SYTL3: variants seen among roughly 807,000 people sequenced by gnomAD.
The protein encoded by SYTL3 is synaptotagmin-like protein 3.
SYTL3 carries 88 observed loss-of-function variants against 82.1 expected under a neutral mutation model. The ratio of observed to expected loss-of-function variants is 1.07; its 90% CI spans 0.90 to 1.28. SYTL3 has a LOEUF of 1.28. Among genes scored for constraint, SYTL3 ranks in the 50% most tolerant of loss-of-function variants. The pLI is 0.00. For synonymous variants in SYTL3, 311 were observed against 289.4 expected (o/e 1.07, Z -0.76); for missense variants, 831 against 757.6 (o/e 1.10, Z -1.14).
At position 158,706,115 on chromosome 6, in the gene SYTL3, A is replaced by T. The variant is rs371308973; in HGVS notation, c.395-1115A>T. ...TTCTGTCTTAGGGAAGTATTTCTTA[A>T]TGGGGAGGGGAAGGGTCACAGGTGC... is the stretch of plus-strand genomic sequence containing the variant. On this transcript the variant is annotated intron_variant, in intron 6 of 17. Coordinates refer to ENST00000611299, the MANE Select transcript of SYTL3 (RefSeq NM_001242394.2). Among the ~76,000 whole-genome samples, 59 of 152,228 alleles carry T rather than the reference A, an allele frequency of 3.9e-4. 1 individual carries two copies. Among genetic ancestry groups the T allele is most frequent in the African/African-American group, 1.4e-3 (57 of 41,526 alleles).
intron 10 of SYTL3, among the ~76,000 whole-genome samples, chr6:158,718,545 G>A (rs149739271): frequency 0.01 from 1,585 of 152,308 alleles, 25 homozygotes; most frequent in Non-Finnish European, 0.011. Flanking sequence ...CACACCTGCC[G>A]GGTTAGCCCT....
intron 14 of SYTL3, among the ~76,000 whole-genome samples, chr6:158,760,172 G>A (rs890764436): frequency 9.2e-5 from 14 of 152,004 alleles, no homozygotes; most frequent in Admixed American, 3.9e-4. Flanking sequence ...CACCCTGAGG[G>A]GCCACCCCCT....
intron 6 of SYTL3, among the ~76,000 whole-genome samples, chr6:158,696,822 G>A (rs544707340): frequency 1.8e-4 from 27 of 151,918 alleles, no homozygotes; most frequent in Middle Eastern, 3.4e-3. Context: ...ATATAAAGAC[G>A]GACATATAGA....
At chr6:158,733,184 A>C (rs1785640758) in intron 11 of SYTL3, among the ~76,000 whole-genome samples, 1 of 152,178 alleles carries the variant, frequency 6.6e-6, no homozygotes, top group Admixed American at 6.5e-5. Context: ...TTGTACTTGA[A>C]TGAAGATATT....
intron 11 of SYTL3, among the ~76,000 whole-genome samples, chr6:158,742,635 G>A (rs1787086234): frequency 6.6e-6 from 1 of 151,694 alleles, no homozygotes; most frequent in Admixed American, 6.6e-5. Context: ...GAGTGCAGTG[G>A]TGTGATCTTG....
chr6:158,693,088 G>T (rs1474196004), intron 6 of SYTL3, among the ~76,000 whole-genome samples: 2 of 152,188 alleles, frequency 1.3e-5, no homozygotes, highest in Non-Finnish European at 2.9e-5. Context: ...ATTCCACAAG[G>T]ATGATTCTGT....
intron 5 of SYTL3, among the ~76,000 whole-genome samples, chr6:158,675,917 C>A (rs57619831): frequency 0.031 from 4,789 of 152,152 alleles, 276 homozygotes; most frequent in African/African-American, 0.11. Flanking sequence ...ACCACTGCAC[C>A]CCAGCCTGGG....
chr6:158,668,210 C>T lies in SYTL3; in HGVS notation c.329+2597C>T, dbSNP rs1000647211. Among the ~76,000 whole-genome samples the T allele has an allele frequency of 5.1e-5, 7 of 136,682 alleles. No homozygotes were observed. In the Admixed American group the frequency reaches 5.4e-4, roughly 11 times the overall value. 89.7% of individuals were successfully genotyped at this position (136,682 alleles called of 152,430 possible). A position where few individuals can be genotyped will look rare whatever the true frequency, so the allele number is the denominator to read the frequency against. On this transcript the variant is annotated intron_variant, in intron 5 of 17. Transcript: ENST00000611299. ...TCTCCCGCCTGCTAGGAGCCTTGTC[C>T]TGGGAGGGCAGAGTCTTTTATTTAT...
intron 6 of SYTL3, among the ~76,000 whole-genome samples, chr6:158,693,628 A>C (rs931405227): frequency 1.1e-4 from 17 of 152,036 alleles, no homozygotes; most frequent in Admixed American, 7.9e-4. Flanking sequence ...CAAATGATCC[A>C]CCTGCCTCAG....
chr6:158,720,264 C>T (rs1454930644), intron 10 of SYTL3, among the ~76,000 whole-genome samples: 3 of 151,856 alleles, frequency 2.0e-5, no homozygotes, highest in African/African-American at 7.3e-5. Context: ...TAGCCAGGCT[C>T]ATGGCGGGTG....
chr6:158,679,929 C>A (rs1047158028), intron 5 of SYTL3, among the ~76,000 whole-genome samples: 2 of 152,122 alleles, frequency 1.3e-5, no homozygotes, highest in African/African-American at 4.8e-5. Context: ...TTAGCTCAGT[C>A]GACTGTAGCG....
chr6:158,749,012 A>C (rs1788015281), intron 12 of SYTL3, among the ~76,000 whole-genome samples: 1 of 152,004 alleles, frequency 6.6e-6, no homozygotes, highest in African/African-American at 2.4e-5. Context: ...CCTGAGGGTC[A>C]GGAGTTCAAG....
At chr6:158,741,762 G>T (rs1294667299) in intron 11 of SYTL3, among the ~76,000 whole-genome samples, 5 of 152,170 alleles carry the variant, frequency 3.3e-5, no homozygotes, top group African/African-American at 4.8e-5. Flanking sequence ...TCAAAATGAT[G>T]ATTTTTTTGA....
At chr6:158,647,628 G>A (rs1471029730), upstream of SYTL3, among the ~76,000 whole-genome samples, 2 of 152,198 alleles carry the variant, frequency 1.3e-5, no homozygotes, top group South Asian at 2.1e-4. Flanking sequence ...ATTTAAAATC[G>A]TTAAGACATT....
At chr6:158,732,997 A>G (rs954602661) in intron 11 of SYTL3, among the ~76,000 whole-genome samples, 1 of 151,104 alleles carries the variant, frequency 6.6e-6, no homozygotes, top group South Asian at 2.1e-4. Flanking sequence ...AGGGAATTGT[A>G]GAAAGTAAAA....
upstream of SYTL3, among the ~76,000 whole-genome samples, chr6:158,648,041 C>T (rs927948358): frequency 6.6e-6 from 1 of 152,204 alleles, no homozygotes; most frequent in Non-Finnish European, 1.5e-5. Context: ...CACCTGTAAT[C>T]CCAGTACTTT....
At chr6:158,649,279 TA>T (rs1296565120), upstream of SYTL3, among the ~76,000 whole-genome samples, 1 of 152,222 alleles carries the variant, frequency 6.6e-6, no homozygotes, top group African/African-American at 2.4e-5. Flanking sequence ...AGCAAACATT[TA>T]TTTGCCACTC....
chr6:158,712,067 A>T (rs187072369), intron 8 of SYTL3, among the ~76,000 whole-genome samples: 3 of 152,174 alleles, frequency 2.0e-5, no homozygotes, highest in African/African-American at 7.2e-5. Context: ...TGTGGTTCAC[A>T]TACCTCTGAC....
intron 10 of SYTL3, among the ~76,000 whole-genome samples, chr6:158,725,024 A>T (rs894141739): frequency 6.6e-6 from 1 of 152,214 alleles, no homozygotes; most frequent in Non-Finnish European, 1.5e-5. Context: ...TCCGTCTCAA[A>T]AAAAGAAAGA....
Sources: gnomAD v4.1 joint callset for allele counts (sites outside exome capture counted in the v4.1 genomes callset) on GRCh38, gnomAD v4.1.1 for gene constraint, MANE v1.5 for transcripts, NCBI Gene and HGNC (gene_info 2026-07-23, HGNC 2026-07-21) for gene names.